FOXN2: variants seen among roughly 807,000 people sequenced by gnomAD.
FOXN2 encodes the protein forkhead box N2, also known as forkhead box protein N2.
A neutral mutation model predicts 41.2 loss-of-function variants in FOXN2; 19 were observed. The ratio of observed to expected loss-of-function variants is 0.46; its 90% CI spans 0.32 to 0.68. The LOEUF is 0.68. Ranked by LOEUF, FOXN2 falls within the 30% of genes least tolerant of loss-of-function variation. The pLI is 0.03. For synonymous variants in FOXN2, 195 were observed against 176.8 expected, an observed-to-expected ratio of 1.10 and a Z score of -0.82; for missense variants, 587 against 509.4, an observed-to-expected ratio of 1.15 and a Z score of -1.47.
intron 1 of FOXN2, among the ~76,000 whole-genome samples, chr2:48,316,281 C>G (rs1223565000): frequency 6.6e-6 from 1 of 152,078 alleles, no homozygotes; most frequent in Non-Finnish European, 1.5e-5. Context: ...AAAACCTCAG[C>G]ATTATTAGGT....
chr2:48,317,080 C>T (rs1214712509), intron 1 of FOXN2, among the ~76,000 whole-genome samples: 1 of 152,036 alleles, frequency 6.6e-6, no homozygotes, highest in African/African-American at 2.4e-5. Context: ...TCATAAAATA[C>T]TTATATAAGG....
At chr2:48,349,866 T>C (rs1671344561) in intron 3 of FOXN2, among the ~76,000 whole-genome samples, 1 of 152,222 alleles carries the variant, frequency 6.6e-6, no homozygotes, top group Admixed American at 6.5e-5. Context: ...CGTAAAAGAA[T>C]GTAAGAAAAA....
At chr2:48,352,261 GA>G (rs1338056429) in intron 3 of FOXN2, among the ~76,000 whole-genome samples, 1 of 152,168 alleles carries the variant, frequency 6.6e-6, no homozygotes, top group Non-Finnish European at 1.5e-5. Flanking sequence ...GAAGATGTGG[GA>G]TTTGAACACT....
At chr2:48,344,290 C>T (rs1301970678) in intron 2 of FOXN2, among the ~76,000 whole-genome samples, 1 of 152,076 alleles carries the variant, frequency 6.6e-6, no homozygotes, top group Non-Finnish European at 1.5e-5. Flanking sequence ...TTCCTTTTTA[C>T]AGTGTTGTGA....
intron 1 of FOXN2, among the ~76,000 whole-genome samples, chr2:48,315,369 C>T (rs1398797603): frequency 1.3e-5 from 2 of 152,152 alleles, no homozygotes; most frequent in African/African-American, 2.4e-5. Flanking sequence ...CGGGGGCGGC[C>T]GGGCGTTGTG....
chr2:48,333,298 T>A (rs1403180984), intron 2 of FOXN2, among the ~76,000 whole-genome samples: 3 of 152,124 alleles, frequency 2.0e-5, no homozygotes, highest in Non-Finnish European at 4.4e-5. Context: ...CATTACTAGA[T>A]GCAGAGATAC....
chr2:48,373,301 T>C lies in FOXN2; in HGVS notation c.713T>C (p.Ile238Thr). Residue 238 changes from isoleucine (I) to threonine (T), a missense_variant, in exon 6 of 7, where the codon ATT becomes ACT. Transcript: ENST00000340553. ...NQVRNLKESDIDAAAAMMLLN... is the reference protein window; with the variant it reads ...NQVRNLKESDTDAAAAMMLLN... ...CTTTTTCCCTTTTCAGAATCTGATA[T>C]TGATGCTGCTGCTGCAATGATGCTT... The C allele has an allele frequency of 6.3e-7, 1 of 1,592,222 alleles. No homozygotes were observed. Among genetic ancestry groups the C allele is most frequent in the African/African-American group, 1.4e-5 (1 of 73,794 alleles).
chr2:48,320,572 G>C (rs1669240257), intron 1 of FOXN2, among the ~76,000 whole-genome samples: 1 of 152,144 alleles, frequency 6.6e-6, no homozygotes. Context: ...TTACAGGTGT[G>C]AGCCACTGCA....
At chr2:48,314,904 G>C (rs1366261697) in intron 1 of FOXN2, 90 bp downstream of exon 1, 1 of 151,888 alleles carries the variant, frequency 6.6e-6, no homozygotes, top group African/African-American at 2.4e-5. Context: ...CAGCGCGAGC[G>C]ACCCGCGCCA....
chr2:48,319,783 T>A (rs925750632), intron 1 of FOXN2, among the ~76,000 whole-genome samples: 2 of 146,640 alleles, frequency 1.4e-5, no homozygotes, highest in African/African-American at 2.5e-5. Context: ...GCTAATTTTT[T>A]AATTTTTTTT....
At position 48,356,884 on chromosome 2, in the gene FOXN2, A is replaced by C. The variant is rs556636351; in HGVS notation, c.538-2163A>C. Among the ~76,000 whole-genome samples, 112 of 152,356 alleles carry C rather than the reference A, an allele frequency of 7.4e-4. 1 individual carries two copies. The highest frequency in any genetic ancestry group is 3.4e-3 in the Middle Eastern group (1 of 294). On this transcript the variant is annotated intron_variant, in intron 3 of 6. Coordinates refer to ENST00000340553, the MANE Select transcript of FOXN2 (RefSeq NM_002158.4). ...GTAAGTTCAGAAGCCTTAGAGTTCT[A>C]AAACGCAAAATAATAAAATGAGAGA...
At chr2:48,353,552 C>CTGTGTG (rs57528113) in intron 3 of FOXN2, among the ~76,000 whole-genome samples, 66 of 128,916 alleles carry the variant, frequency 5.1e-4, no homozygotes, top group African/African-American at 6.5e-4. Context: ...TCACTTAAGA[C>CTGTGTG]TGTGTGTGTG....
chr2:48,365,010 T>C (rs565464306), intron 5 of FOXN2, among the ~76,000 whole-genome samples: 1 of 152,316 alleles, frequency 6.6e-6, no homozygotes, highest in East Asian at 1.9e-4. Flanking sequence ...ATATCAAAAT[T>C]CTGAATTAGT....
intron 2 of FOXN2, among the ~76,000 whole-genome samples, chr2:48,339,435 C>T (rs1670590635): frequency 6.6e-6 from 1 of 152,112 alleles, no homozygotes; most frequent in Non-Finnish European, 1.5e-5. Flanking sequence ...CTCTCTCCTG[C>T]CACCATGTGA....
rs188337617 is a variant in FOXN2, at chr2:48,365,417, G to A, written c.703+2710G>A. ...TCTTTGTATTGCCTCAATAAAGTCTGACACTTATTCTCTAAAGCTCAGTTC... is the reference window on the plus strand; with the variant it reads ...TCTTTGTATTGCCTCAATAAAGTCTAACACTTATTCTCTAAAGCTCAGTTC... On this transcript the variant is annotated intron_variant, in intron 5 of 6. Coordinates refer to ENST00000340553, the MANE Select transcript of FOXN2 (RefSeq NM_002158.4). 4.7e-4 allele frequency among the ~76,000 whole-genome samples: 71 copies of A among 152,268 alleles called. 1 individual carries two copies. Among genetic ancestry groups the A allele is most frequent in the African/African-American group, 1.6e-3 (68 of 41,558 alleles).
rs564231750 is a variant in FOXN2 at position 48,330,041 on chromosome 2, C to A, written c.-15+1339C>A. ...TTTCCTTTTTTGAGTGAGAACCAAC[C>A]TTAATTACCAAGAAAAAAAAATAAA... On this transcript the variant is annotated intron_variant, in intron 2 of 6. Transcript: ENST00000340553. Among the ~76,000 whole-genome samples the A allele has an allele frequency of 4.0e-5, 6 of 151,406 alleles. No individual in the cohort carries two copies. In the East Asian group the frequency reaches 9.7e-4, roughly 24 times the overall value.
intron 2 of FOXN2, among the ~76,000 whole-genome samples, chr2:48,330,746 A>C (rs1412334285): frequency 6.7e-6 from 1 of 149,714 alleles, no homozygotes; most frequent in Non-Finnish European, 1.5e-5. Context: ...AAAGAATTAG[A>C]GATAGTAAAC....
intron 1 of FOXN2, among the ~76,000 whole-genome samples, chr2:48,327,429 T>C (rs941109529): frequency 2.6e-5 from 4 of 151,592 alleles, no homozygotes; most frequent in African/African-American, 9.7e-5. Context: ...AGTATTACTT[T>C]CTAAAATGAT....
intron 2 of FOXN2, among the ~76,000 whole-genome samples, chr2:48,332,580 A>G (rs533964805): frequency 6.6e-5 from 10 of 152,324 alleles, no homozygotes; most frequent in African/African-American, 2.4e-4. Context: ...ACACTAGACA[A>G]ATATGTTTTT....
Sources: allele counts gnomAD v4.1 joint callset (sites outside exome capture counted in the v4.1 genomes callset), GRCh38; gene constraint gnomAD v4.1.1; transcripts MANE v1.5; gene names NCBI Gene and HGNC (gene_info 2026-07-23, HGNC 2026-07-21).